Variants in VOPP1 observed in about 807,000 individuals in gnomAD.
VOPP1 encodes VOPP1 WW domain binding protein.
In VOPP1, 8 loss-of-function variants were observed where a neutral mutation model predicts 23.5. The ratio of observed to expected loss-of-function variants is 0.34; its 90% CI spans 0.20 to 0.61. The LOEUF is 0.61. VOPP1 is among the 20% of genes least tolerant of loss of function. VOPP1 has a pLI of 0.78. For missense variants in VOPP1, 174 were observed against 238.1 expected (o/e 0.73, Z 1.77); for synonymous variants, 83 against 97.3 (o/e 0.85, Z 0.86).
intron 4 of VOPP1, among the ~76,000 whole-genome samples, chr7:55,491,544 C>T (rs924420129): frequency 3.9e-5 from 6 of 152,190 alleles, no homozygotes; most frequent in African/African-American, 1.4e-4. Flanking sequence ...ATGAGCCGAG[C>T]CAGCCCAGCC....
chr7:55,525,414 G>A (rs1219309245), intron 1 of VOPP1, among the ~76,000 whole-genome samples: 7 of 151,730 alleles, frequency 4.6e-5, no homozygotes, highest in Admixed American at 3.3e-4. Flanking sequence ...GCGTGAACTC[G>A]GGAGGCGGAG....
intron 1 of VOPP1, among the ~76,000 whole-genome samples, chr7:55,522,823 G>A (rs1166652149): frequency 3.3e-5 from 5 of 152,182 alleles, no homozygotes; most frequent in Non-Finnish European, 7.3e-5. Flanking sequence ...CCTCCATAGC[G>A]CCCTTTTCTG....
chr7:55,499,621 G>A (rs73698743), intron 2 of VOPP1, among the ~76,000 whole-genome samples: 3,066 of 152,302 alleles, frequency 0.02, 106 homozygotes, highest in African/African-American at 0.069. Flanking sequence ...AGCCGGCACC[G>A]GCAGGTTGAG....
intron 1 of VOPP1, among the ~76,000 whole-genome samples, chr7:55,529,982 G>C (rs1168803108): frequency 6.6e-6 from 1 of 152,136 alleles, no homozygotes; most frequent in African/African-American, 2.4e-5. Context: ...GGTTGATACT[G>C]CATTTTGGCT....
chr7:55,562,929 G>A (rs376650346), intron 1 of VOPP1, among the ~76,000 whole-genome samples: 10 of 152,080 alleles, frequency 6.6e-5, no homozygotes, highest in African/African-American at 4.8e-5. Flanking sequence ...ATTACTATGC[G>A]GTCTGGGCAC....
intron 2 of VOPP1, among the ~76,000 whole-genome samples, chr7:55,499,719 G>C (rs1794232710): frequency 6.6e-6 from 1 of 152,154 alleles, no homozygotes; most frequent in Non-Finnish European, 1.5e-5. Flanking sequence ...CTGCCAATGA[G>C]GGAAGCTGAC....
intron 1 of VOPP1, among the ~76,000 whole-genome samples, chr7:55,571,337 C>T (rs910674402): frequency 1.3e-5 from 2 of 152,216 alleles, no homozygotes; most frequent in Non-Finnish European, 2.9e-5. Flanking sequence ...CAGCACCAAT[C>T]ACTAACTATT....
intron 4 of VOPP1, among the ~76,000 whole-genome samples, chr7:55,485,909 C>T (rs148802112): frequency 0.012 from 1,794 of 152,310 alleles, 12 homozygotes; most frequent in Middle Eastern, 0.02. Context: ...ATGGTAGACT[C>T]GGGAGACAAG....
intron 2 of VOPP1, among the ~76,000 whole-genome samples, chr7:55,506,413 G>A (rs1330119551): frequency 6.6e-6 from 1 of 152,224 alleles, no homozygotes; most frequent in Non-Finnish European, 1.5e-5. Context: ...TCGGCTCACT[G>A]CAACCTCCAC....
chr7:55,565,222 G>A lies in VOPP1; in HGVS notation c.54+7049C>T, dbSNP rs1003839349. Among the ~76,000 whole-genome samples, 11 of 152,094 alleles carry A rather than the reference G, an allele frequency of 7.2e-5. No individual in the cohort carries two copies. The South Asian group carries it at 8.3e-4, about 11-fold the overall frequency. ...CAAGGCCTCTTCTCTACTGTTCTAC[G>A]GTATCTGAATGCAGATCACCTTCGC... On this transcript the variant is annotated intron_variant, in intron 1 of 4. Coordinates refer to ENST00000285279, the MANE Select transcript of VOPP1 (RefSeq NM_030796.5).
At chr7:55,459,603 T>C (rs1791448366) in intron 4 of VOPP1, among the ~76,000 whole-genome samples, 2 of 152,112 alleles carry the variant, frequency 1.3e-5, no homozygotes, top group African/African-American at 2.4e-5. Context: ...TCTTGGAAGG[T>C]TGTATGTGTC....
intron 1 of VOPP1, chr7:55,538,770 T>G: frequency 1.1e-6 from 1 of 934,814 alleles, no homozygotes; most frequent in Non-Finnish European, 1.6e-6. Flanking sequence ...GGGAATGCTG[T>G]GGGTTTGAGC....
chr7:55,500,745 A>G (rs375305294), intron 2 of VOPP1, among the ~76,000 whole-genome samples: 1 of 152,250 alleles, frequency 6.6e-6, no homozygotes, highest in South Asian at 2.1e-4. Context: ...CACATACAAG[A>G]TAAAGTATTA....
intron 2 of VOPP1, among the ~76,000 whole-genome samples, chr7:55,504,832 T>A (rs1193918254): frequency 6.6e-6 from 1 of 152,266 alleles, no homozygotes; most frequent in East Asian, 1.9e-4. Flanking sequence ...CCCAGTTTAC[T>A]CTCATTTCCA....
chr7:55,541,167 T>C (rs979862199), intron 1 of VOPP1, among the ~76,000 whole-genome samples: 19 of 152,280 alleles, frequency 1.2e-4, no homozygotes, highest in Non-Finnish European at 1.9e-4. Context: ...GTGATGAAAA[T>C]ATTCTTGATT....
intron 4 of VOPP1, among the ~76,000 whole-genome samples, chr7:55,449,948 G>A (rs867369118): frequency 1.3e-5 from 2 of 152,330 alleles, no homozygotes; most frequent in South Asian, 4.1e-4. Context: ...TGTCACCCTT[G>A]AGGCGTAGCA....
chr7:55,458,347 G>A (rs1377470829), intron 4 of VOPP1, among the ~76,000 whole-genome samples: 1 of 152,132 alleles, frequency 6.6e-6, no homozygotes, highest in Non-Finnish European at 1.5e-5. Flanking sequence ...TTGAAGTTAA[G>A]TAGTGTGATG....
intron 4 of VOPP1, chr7:55,436,249 CTG>C (rs1291802819): frequency 6.6e-6 from 1 of 152,220 alleles, no homozygotes; most frequent in Non-Finnish European, 1.5e-5. Context: ...AGCAGAGACT[CTG>C]GAGCCTGGGA....
chr7:55,513,871 C>A (rs1795238664), intron 2 of VOPP1, among the ~76,000 whole-genome samples: 1 of 152,196 alleles, frequency 6.6e-6, no homozygotes, highest in African/African-American at 2.4e-5. Flanking sequence ...TTCTGGGGGA[C>A]AGAGATTCAT....
Sources: allele counts gnomAD v4.1 joint callset (sites outside exome capture counted in the v4.1 genomes callset), GRCh38; gene constraint gnomAD v4.1.1; transcripts MANE v1.5; gene names NCBI Gene and HGNC (gene_info 2026-07-23, HGNC 2026-07-21).